Variants in DNTTIP2 observed in about 807,000 individuals in gnomAD.
DNTTIP2 encodes the protein deoxynucleotidyltransferase terminal-interacting protein 2.
DNTTIP2 carries 47 observed loss-of-function variants against 62.4 expected under a neutral mutation model. That is an observed-to-expected ratio of 0.75 (90% CI 0.60 to 0.96). DNTTIP2 has a LOEUF of 0.96. DNTTIP2 is among the 40% of genes least tolerant of loss of function. The pLI, the probability that DNTTIP2 is intolerant of heterozygous loss-of-function variation, is 0.00. For missense variants in DNTTIP2, 870 were observed against 849.1 expected (o/e 1.02, Z -0.31); for synonymous variants, 322 against 300.9 (o/e 1.07, Z -0.73).
chr1:93,877,228 G>A lies in DNTTIP2; in HGVS notation c.707C>T (p.Ser236Leu). Reference sequence around the variant, plus strand: ...AGTTTGTCTGGTATCTGAATCCTCTGAATTCACAGGTGTACCCACGATCTG... The same window carrying A: ...AGTTTGTCTGGTATCTGAATCCTCTAAATTCACAGGTGTACCCACGATCTG... ...EKQIVGTPVN[S>L]EDSDTRQTSH... The change falls in exon 2 of 7, where the codon TCA becomes TTA. Residue 236 changes from serine (S) to leucine (L), a missense_variant. Ser to Leu is a moderately radical substitution (Grantham distance 145). Transcript: ENST00000436063. 2 of 1,613,880 alleles carry A rather than the reference G, an allele frequency of 1.2e-6. No homozygotes were observed. Among genetic ancestry groups the A allele is most frequent in the Non-Finnish European group, 8.5e-7 (1 of 1,179,878 alleles).
At position 93,879,115 on chromosome 1, in the gene DNTTIP2, T is replaced by G; in HGVS notation, c.34A>C (p.Ser12Arg). 1 of 1,613,764 alleles carries G rather than the reference T, an allele frequency of 6.2e-7. No individual in the cohort carries two copies. Among genetic ancestry groups the G allele is most frequent in the Non-Finnish European group, 8.5e-7 (1 of 1,179,880 alleles). ...VVTRSARAKA[S>R]IQAASAESSG... ...CTTTCAGCCGACGCGGCTTGGATGC[T>G]GGCCTTAGCCCGTGCAGATCTGGTA... The change falls in exon 1 of 7, where the codon AGC (serine) becomes CGC (arginine). Residue 12 changes from serine to arginine, a missense_variant. By Grantham distance (110) the Ser-to-Arg change is moderately radical (BLOSUM62 -1). Coordinates refer to ENST00000436063, the MANE Select transcript of DNTTIP2 (RefSeq NM_014597.5).
chr1:93,873,203 T>A lies in DNTTIP2; in HGVS notation c.1818A>T (p.Lys606Asn), dbSNP rs1452736152. 1 of 1,611,080 alleles carries A rather than the reference T, an allele frequency of 6.2e-7. No homozygotes were observed. The highest frequency in any genetic ancestry group is 8.5e-7 in the Non-Finnish European group (1 of 1,177,930). The change falls in exon 4 of 7, where the codon AAA becomes AAT. Residue 606 changes from lysine to asparagine, a missense_variant. Physicochemically the swap from Lys to Asn is moderately conservative, Grantham distance 94 (BLOSUM62 0). Transcript: ENST00000436063. ...TTTCAAAATCAGGTGTAATGACGGC[T>A]TTCTGCAGAAGCTATAAAAACATAA... ...KEKKKNELLQ[K>N]AVITPDFEKN...
chr1:93,871,708 A>G (rs1655867499), intron 5 of DNTTIP2, among the ~76,000 whole-genome samples: 1 of 152,214 alleles, frequency 6.6e-6, no homozygotes. Flanking sequence ...ACACGAACAG[A>G]TGAAAACATT....
chr1:93,870,529 T>G (rs891037546), intron 6 of DNTTIP2, among the ~76,000 whole-genome samples, 154 bp downstream of exon 6: 1 of 152,122 alleles, frequency 6.6e-6, no homozygotes, highest in African/African-American at 2.4e-5. Flanking sequence ...TTAAAGAGAT[T>G]TGCACTAAAT....
At chr1:93,876,023 G>A (rs541190454) in intron 2 of DNTTIP2, among the ~76,000 whole-genome samples, 1 of 149,966 alleles carries the variant, frequency 6.7e-6, no homozygotes, top group South Asian at 2.1e-4. Context: ...GAGTGCAGTA[G>A]TGACCACTGC....
rs765315241 is a variant in DNTTIP2 at position 93,876,393 on chromosome 1, A to C, written c.1542T>G (p.Val514=). The change falls in exon 2 of 7, where the codon GTT becomes GTG. Residue 514 remains valine (V), a synonymous_variant. Transcript: ENST00000436063. ...YLEEEDKASE[V]AIEEEKEEEE... ...CCTCTTCTTTTTCTTCCTCAATGGC[A>C]ACCTCACTTGCCTTGTCTTCCTCTT... 1.9e-6 allele frequency: 3 copies of C among 1,600,946 alleles called. No individual in the cohort carries two copies. The highest frequency in any genetic ancestry group is 2.6e-6 in the Non-Finnish European group (3 of 1,172,944).
rs1557719649 is a variant in DNTTIP2, at chr1:93,877,281, ATCTT to A, written c.650_653del (p.Lys217IlefsTer17). The stretch of plus-strand genomic sequence containing the variant: ...TCTCATTTCCTGGTACAATCTTACT[ATCTT>A]TCTTTTCAGTTTGTGCCTTTAATTT... On this transcript the variant is annotated frameshift_variant, in exon 2 of 7. Coordinates refer to ENST00000436063, the MANE Select transcript of DNTTIP2 (RefSeq NM_014597.5). LOFTEE classifies it high-confidence loss of function. 10 of 1,613,648 alleles carry A rather than the reference ATCTT, an allele frequency of 6.2e-6. No homozygotes were observed. Among genetic ancestry groups the A allele is most frequent in the Non-Finnish European group, 8.5e-6 (10 of 1,179,760 alleles).
At position 93,866,636 on chromosome 1, in the gene DNTTIP2, C is replaced by CCTCCCCA. The variant is rs1372369093; in HGVS notation, c.*3208_*3214dup. The stretch of plus-strand genomic sequence containing the variant: ...GGTTTTGTTGAACTTTTTTATATAG[C>CCTCCCCA]CTCCCCACTCCCCACTCCTTTTGTG... On this transcript the variant is annotated 3_prime_UTR_variant, in exon 7 of 7. Transcript: ENST00000436063. 1 of 152,042 alleles carries CCTCCCCA rather than the reference C, an allele frequency of 6.6e-6. No individual in the cohort carries two copies. Among genetic ancestry groups the CCTCCCCA allele is most frequent in the African/African-American group, 2.4e-5 (1 of 41,378 alleles). The allele number at this position is 152,042 out of a possible 1,614,324, so 9.4% of individuals were successfully genotyped here.
Position 93,870,797 on chromosome 1 carries a change from G to C in DNTTIP2, c.2068-5C>G, listed in dbSNP as rs1191161049. 1.3e-6 allele frequency: 2 copies of C among 1,495,972 alleles called. No homozygotes were observed. Among genetic ancestry groups the C allele is most frequent in the Non-Finnish European group, 1.8e-6 (2 of 1,105,226 alleles). The allele number at this position is 1,495,972 out of a possible 1,614,324, so 92.7% of individuals were successfully genotyped here. The stretch of plus-strand genomic sequence containing the variant: ...ATTGTCAACAATGGTTCCAATCTGT[G>C]AACAATTGATTGAAATAAGTCATGC... On this transcript the variant is annotated splice_region_variant and splice_polypyrimidine_tract_variant and intron_variant, in intron 5 of 6. Transcript: ENST00000436063.
intron 3 of DNTTIP2, 100 bp downstream of exon 3, chr1:93,875,545 A>AACTAACAC (rs1655977676): frequency 8.0e-7 from 1 of 1,244,860 alleles, no homozygotes; most frequent in Non-Finnish European, 1.1e-6. Flanking sequence ...ACATTAGGCC[A>AACTAACAC]ATGTGGTTTC....
rs145115585 is a variant in DNTTIP2 at position 93,874,096 on chromosome 1, A to G, written c.1807-882T>C. Among the ~76,000 whole-genome samples the G allele has an allele frequency of 2.1e-3, 317 of 152,328 alleles. 1 individual carries two copies. Among genetic ancestry groups the G allele is most frequent in the African/African-American group, 7.2e-3 (301 of 41,576 alleles). The stretch of plus-strand genomic sequence containing the variant: ...AGGTAGCCGTCTAGGCTTTCCTATC[A>G]CTCATAAAAGGGGGCATGATATTTA... On this transcript the variant is annotated intron_variant, in intron 3 of 6. Transcript: ENST00000436063.
rs1194108771 is a variant in DNTTIP2 at position 93,868,801 on chromosome 1, A to G, written c.*1050T>C. 1 of 152,142 alleles carries G rather than the reference A, an allele frequency of 6.6e-6. No individual in the cohort carries two copies. Among genetic ancestry groups the G allele is most frequent in the East Asian group, 1.9e-4 (1 of 5,168 alleles). 9.4% of individuals were successfully genotyped at this position (152,142 alleles called of 1,614,324 possible). On this transcript the variant is annotated 3_prime_UTR_variant, in exon 7 of 7. Transcript: ENST00000436063. ...CTTACTCGTAAGTGGGAGGTAAACA[A>G]TGAGAACACATGGACACAGGGAGGG...
chr1:93,873,053 T>C lies in DNTTIP2; in HGVS notation c.1902+66A>G, dbSNP rs1331805272. On this transcript the variant is annotated intron_variant, in intron 4 of 6. Coordinates refer to ENST00000436063, the MANE Select transcript of DNTTIP2 (RefSeq NM_014597.5). ...CAGATACAGTTTAATTGTGCAGTTA[T>C]GTTGTATAAGCTGAAAATATATAGC... 7.2e-6 allele frequency: 8 copies of C among 1,106,596 alleles called. No individual in the cohort carries two copies. In the East Asian group the frequency reaches 1.4e-4, roughly 20 times the overall value. 68.5% of individuals were successfully genotyped at this position (1,106,596 alleles called of 1,614,324 possible).
chr1:93,874,594 G>A (rs990044512), intron 3 of DNTTIP2, among the ~76,000 whole-genome samples: 3 of 152,148 alleles, frequency 2.0e-5, no homozygotes, highest in Non-Finnish European at 4.4e-5. Context: ...GATGACAGCT[G>A]GGTGGGGTAG....
rs752601421 is a variant in DNTTIP2, at chr1:93,869,832, G to C, written c.*19C>G. ...AAATAAAGGAGCAATGTAAAATGTT[G>C]CAGTTTGCTTGGTAAATCTTAATTG... is the stretch of plus-strand genomic sequence containing the variant. On this transcript the variant is annotated 3_prime_UTR_variant, in exon 7 of 7. Coordinates refer to ENST00000436063, the MANE Select transcript of DNTTIP2 (RefSeq NM_014597.5). 2 of 778,336 alleles carry C rather than the reference G, an allele frequency of 2.6e-6. No individual in the cohort carries two copies. Among genetic ancestry groups the C allele is most frequent in the South Asian group, 1.3e-5 (1 of 74,254 alleles). The allele number at this position is 778,336 out of a possible 1,614,324, so 48.2% of individuals were successfully genotyped here. A position where few individuals can be genotyped will look rare whatever the true frequency, so the allele number is the denominator to read the frequency against.
Position 93,875,797 on chromosome 1 carries a change from C to G in DNTTIP2, c.1668-14G>C. ...GTCAACTTCAGACTGAAAAAGAAAT[C>G]ATCACTTAAAGATCAAGTAATTAAA... On this transcript the variant is annotated splice_polypyrimidine_tract_variant and intron_variant, in intron 2 of 6. Coordinates refer to ENST00000436063, the MANE Select transcript of DNTTIP2 (RefSeq NM_014597.5). 6.2e-7 allele frequency: 1 copy of G among 1,600,958 alleles called. No homozygotes were observed. The highest frequency in any genetic ancestry group is 8.5e-7 in the Non-Finnish European group (1 of 1,175,732).
chr1:93,872,013 TAC>T, intron 5 of DNTTIP2, 57 bp downstream of exon 5: 1 of 1,582,252 alleles, frequency 6.3e-7, no homozygotes, highest in Non-Finnish European at 8.7e-7. Flanking sequence ...TAAAGAACAC[TAC>T]AGTGCTTTCC....
Position 93,877,856 on chromosome 1 carries a change from C to A in DNTTIP2, c.79G>T (p.Ala27Ser). The A allele has an allele frequency of 1.3e-6, 2 of 1,598,554 alleles. No individual in the cohort carries two copies. ...GGATGCGCTTGAATCCCATTAGCAG[C>A]AAAACTCTGCAAACCAGAGAAAACA... is the stretch of plus-strand genomic sequence containing the variant. ...SAESSGQKSFAANGIQAHPES... is the reference protein window; with the variant it reads ...SAESSGQKSFSANGIQAHPES... Residue 27 changes from alanine to serine, a missense_variant, in exon 2 of 7, where the codon GCT becomes TCT. Ala to Ser is a moderately conservative substitution (Grantham distance 99, BLOSUM62 1). Coordinates refer to ENST00000436063, the MANE Select transcript of DNTTIP2 (RefSeq NM_014597.5).
chr1:93,870,561 T>C, intron 6 of DNTTIP2, 122 bp downstream of exon 6: 1 of 476,718 alleles, frequency 2.1e-6, no homozygotes, highest in Non-Finnish European at 3.6e-6. Context: ...AAAATATATA[T>C]TCATGTTAAT....
Sources: gnomAD v4.1 joint callset for allele counts (sites outside exome capture counted in the v4.1 genomes callset) on GRCh38, gnomAD v4.1.1 for gene constraint, MANE v1.5 for transcripts, NCBI Gene and HGNC (gene_info 2026-07-23, HGNC 2026-07-21) for gene names.